AMER1: variants seen among roughly 807,000 people sequenced by gnomAD.
AMER1 encodes APC membrane recruitment protein 1, also known as RP11-403E24.2.
Under a neutral mutation model 53.0 loss-of-function variants are expected in AMER1, and 16 were observed. That is an observed-to-expected ratio of 0.30 (90% CI 0.20 to 0.46). The LOEUF (loss-of-function observed/expected upper bound fraction) is 0.46, where lower values mean the gene tolerates loss of function less well. Ranked by LOEUF, AMER1 falls within the 20% of genes least tolerant of loss-of-function variation. The pLI is 1.00. For synonymous variants in AMER1, 354 were observed against 331.9 expected (o/e 1.07, Z -0.73); for missense variants, 947 against 884.9 (o/e 1.07, Z -0.89).
chrX:64,201,017 T>A (rs901927640), intron 1 of AMER1, among the ~76,000 whole-genome samples: 1 of 109,470 alleles, frequency 9.1e-6, no homozygotes, highest in Non-Finnish European at 1.9e-5. Flanking sequence ...CCAGCGGGGG[T>A]AAAAACTGTA....
At chrX:64,203,022 C>A (rs1930520941) in intron 1 of AMER1, among the ~76,000 whole-genome samples, 1 of 111,615 alleles carries the variant, frequency 9.0e-6, no homozygotes. Flanking sequence ...TTCTCCCCTC[C>A]CATTCCTGGG....
Position 64,191,757 on chromosome X carries a change from C to T in AMER1, c.1530G>A (p.Glu510=), listed in dbSNP as rs377478912. 8 of 1,209,701 alleles carry T rather than the reference C, an allele frequency of 6.6e-6. No individual in the cohort carries two copies. Among genetic ancestry groups the T allele is most frequent in the Non-Finnish European group, 8.9e-6 (8 of 895,041 alleles). The part of the protein sequence containing the change: ...YSGDALYEFY[E]PDDSLENSPP... ...GAGAGTTCTCAAGGCTGTCATCTGGCTCATAGAACTCATATAGGGCATCTC... is the reference window on the plus strand; with the variant it reads ...GAGAGTTCTCAAGGCTGTCATCTGGTTCATAGAACTCATATAGGGCATCTC... The change falls in exon 2 of 2, where the codon GAG becomes GAA. Residue 510 remains glutamate, a synonymous_variant. Transcript: ENST00000374869.
chrX:64,189,794 C>CCCCCCCCCCCCCCCCCCCCCG lies in AMER1; in HGVS notation c.*84_*85insCGGGGGGGGGGGGGGGGGGGG. On this transcript the variant is annotated 3_prime_UTR_variant, in exon 2 of 2. Transcript: ENST00000374869. ...AAAGGGTTTTCAAGTTAAACAACAA[C>CCCCCCCCCCCCCCCCCCCCCG]CCCCACCCCCCCACCCTTCTGCCCA... 3.3e-6 allele frequency: 1 copy of CCCCCCCCCCCCCCCCCCCCCG among 301,691 alleles called. No homozygotes were observed. 24.9% of individuals were successfully genotyped at this position (301,691 alleles called of 1,213,427 possible).
In AMER1 at chrX:64,193,402, G is replaced by A. The variant is rs1930302362; in HGVS notation, c.-98-18C>T. ...AGTGGGGTCTGGAGGAGATAGGAGA[G>A]ACAAAGACAGAGAGACAGATACTAG... On this transcript the variant is annotated intron_variant, in intron 1 of 1. Transcript: ENST00000374869. The A allele has an allele frequency of 2.8e-6, 3 of 1,074,249 alleles. No homozygotes were observed. The Admixed American group carries it at 7.2e-5, about 26-fold the overall frequency. The allele number at this position is 1,074,249 out of a possible 1,213,427, so 88.5% of individuals were successfully genotyped here.
rs1930193432 is a variant in AMER1 at position 64,189,558 on chromosome X, A to ATATATATATATATAT, written c.*320_*321insATATATATATATATA. On this transcript the variant is annotated 3_prime_UTR_variant, in exon 2 of 2. Coordinates refer to ENST00000374869, the MANE Select transcript of AMER1 (RefSeq NM_152424.4). The stretch of plus-strand genomic sequence containing the variant: ...TATATATATATATATATATATATAT[A>ATATATATATATATAT]ATCACTAACTTGGCAACTGGAATAG... 3.3e-6 allele frequency: 1 copy of ATATATATATATATAT among 304,539 alleles called. No individual in the cohort carries two copies. The highest frequency in any genetic ancestry group is 3.6e-5 in the African/African-American group (1 of 27,432). The allele number at this position is 304,539 out of a possible 1,213,427, so 25.1% of individuals were successfully genotyped here.
chrX:64,190,270 G>A lies in AMER1; in HGVS notation c.3017C>T (p.Ser1006Leu), dbSNP rs1473629829. ...IPPMTMSISLSVPESRAPGES... is the reference protein window; with the variant it reads ...IPPMTMSISLLVPESRAPGES... ...CCCAGGTGCCCTTGACTCTGGCACT[G>A]ATAGTGATATTGACATGGTCATAGG... The change falls in exon 2 of 2, where the codon TCA (serine) becomes TTA (leucine). Residue 1006 changes from serine to leucine, a missense_variant. Transcript: ENST00000374869. 6 of 1,212,055 alleles carry A rather than the reference G, an allele frequency of 5.0e-6. No individual in the cohort carries two copies. Among genetic ancestry groups the A allele is most frequent in the Non-Finnish European group, 6.7e-6 (6 of 895,609 alleles).
At position 64,187,124 on chromosome X, in the gene AMER1, G is replaced by C. The variant is rs1201274107; in HGVS notation, c.*2755C>G. 7 of 784,775 alleles carry C rather than the reference G, an allele frequency of 8.9e-6. No individual in the cohort carries two copies. The highest frequency in any genetic ancestry group is 1.1e-5 in the Non-Finnish European group (7 of 658,406). 64.7% of individuals were successfully genotyped at this position (784,775 alleles called of 1,213,427 possible). On this transcript the variant is annotated 3_prime_UTR_variant, in exon 2 of 2. Coordinates refer to ENST00000374869, the MANE Select transcript of AMER1 (RefSeq NM_152424.4). ...CCCAAGCCAGCACTAGTCTGTGTTT[G>C]GAAACAGGCCTGAAGCTTGGCTGGC...
At position 64,188,393 on chromosome X, in the gene AMER1, A is replaced by G. The variant is rs1930151186; in HGVS notation, c.*1486T>C. ...CTGTTCCAATGTCTTCCTGACAGCA[A>G]GCTCTTCCCCACCAGTATTTCCAAC... On this transcript the variant is annotated 3_prime_UTR_variant, in exon 2 of 2. Coordinates refer to ENST00000374869, the MANE Select transcript of AMER1 (RefSeq NM_152424.4). 1 of 804,898 alleles carries G rather than the reference A, an allele frequency of 1.2e-6. No individual in the cohort carries two copies. Among genetic ancestry groups the G allele is most frequent in the East Asian group, 7.1e-5 (1 of 14,162 alleles). 66.3% of individuals were successfully genotyped at this position (804,898 alleles called of 1,213,427 possible).
In AMER1 at chrX:64,190,807, T is replaced by G. The variant is rs1303713983; in HGVS notation, c.2480A>C (p.Glu827Ala). Residue 827 changes from glutamate to alanine, a missense_variant, in exon 2 of 2, where the codon GAG becomes GCG. Coordinates refer to ENST00000374869, the MANE Select transcript of AMER1 (RefSeq NM_152424.4). ...DGEGKCEENP[E>A]FHNDEDLAAS... ...TGCAAGATCTTCATCATTGTGGAACTCAGGATTCTCTTCACACTTGCCTTC... is the reference window on the plus strand; with the variant it reads ...TGCAAGATCTTCATCATTGTGGAACGCAGGATTCTCTTCACACTTGCCTTC... 1 of 1,209,168 alleles carries G rather than the reference T, an allele frequency of 8.3e-7. No individual in the cohort carries two copies. The highest frequency in any genetic ancestry group is 1.1e-6 in the Non-Finnish European group (1 of 894,813).
At chrX:64,204,830 G>T (rs1431936210) in intron 1 of AMER1, among the ~76,000 whole-genome samples, 1 of 113,545 alleles carries the variant, frequency 8.8e-6, no homozygotes, top group Non-Finnish European at 1.9e-5. Context: ...ACCAGCAAGA[G>T]CCCGGCTGCC....
At chrX:64,202,508 C>A (rs1255194152) in intron 1 of AMER1, among the ~76,000 whole-genome samples, 1 of 111,818 alleles carries the variant, frequency 8.9e-6, no homozygotes, top group Non-Finnish European at 1.9e-5. Flanking sequence ...GCTAAGGATT[C>A]TCATCTGTAA....
rs1291341410 is a variant in AMER1 at position 64,190,173 on chromosome X, T to C, written c.3114A>G (p.Pro1038=). Residue 1038 remains proline, a synonymous_variant, in exon 2 of 2, where the codon CCA becomes CCG. Coordinates refer to ENST00000374869, the MANE Select transcript of AMER1 (RefSeq NM_152424.4). ...LPMGPCYNLQ[P]QASQSMRARP... is the part of the protein sequence containing the mutation. The stretch of plus-strand genomic sequence containing the variant: ...TGGCCCTCATGCTCTGGGAGGCCTG[T>C]GGCTGGAGGTTATAGCAAGGGCCCA... 2.5e-6 allele frequency: 3 copies of C among 1,208,381 alleles called. No homozygotes were observed. The highest frequency in any genetic ancestry group is 5.9e-5 in the East Asian group (2 of 33,759).
rs1009425564 is a variant in AMER1, at chrX:64,188,559, G to T, written c.*1320C>A. On this transcript the variant is annotated 3_prime_UTR_variant, in exon 2 of 2. Coordinates refer to ENST00000374869, the MANE Select transcript of AMER1 (RefSeq NM_152424.4). ...TTGGAAGATAAAAGCTCTTTAAAGGGCCCAGAACAGCAGCTGAGATGCCTT... is the reference window on the plus strand; with the variant it reads ...TTGGAAGATAAAAGCTCTTTAAAGGTCCCAGAACAGCAGCTGAGATGCCTT... 1.2e-4 allele frequency: 97 copies of T among 801,930 alleles called. No individual in the cohort carries two copies. The highest frequency in any genetic ancestry group is 1.3e-4 in the Non-Finnish European group (90 of 669,473). 66.1% of individuals were successfully genotyped at this position (801,930 alleles called of 1,213,427 possible).
chrX:64,200,454 G>T (rs958433560), intron 1 of AMER1, among the ~76,000 whole-genome samples: 3 of 112,284 alleles, frequency 2.7e-5, no homozygotes, highest in Non-Finnish European at 3.8e-5. Context: ...AGGAGAGTGT[G>T]ATTCGAGGAA....
chrX:64,196,998 A>G (rs1382619881), intron 1 of AMER1, among the ~76,000 whole-genome samples: 1 of 112,216 alleles, frequency 8.9e-6, no homozygotes, highest in Non-Finnish European at 1.9e-5. Flanking sequence ...TCCTTCCTCA[A>G]TGGGTTATGC....
intron 1 of AMER1, among the ~76,000 whole-genome samples, chrX:64,194,210 TG>T (rs1418711005): frequency 9.0e-6 from 1 of 111,545 alleles, no homozygotes; most frequent in African/African-American, 3.3e-5. Flanking sequence ...CGGTCATCAA[TG>T]GAACCCCAAA....
chrX:64,191,130 C>T lies in AMER1; in HGVS notation c.2157G>A (p.Met719Ile), dbSNP rs142355260. ...CSKKDQSTCL[M>I]QLFQSDAMFE... ...ACATGGCATCACTCTGGAAGAGCTG[C>T]ATCAGGCAGGTACTTTGATCTTTCT... The change falls in exon 2 of 2, where the codon ATG becomes ATA. Residue 719 changes from methionine (M) to isoleucine (I), a missense_variant. Physicochemically the swap from Met to Ile is conservative, Grantham distance 10 (BLOSUM62 1). Transcript: ENST00000374869. 280 of 1,210,953 alleles carry T rather than the reference C, an allele frequency of 2.3e-4. No homozygotes were observed. The highest frequency in any genetic ancestry group is 3.0e-4 in the Non-Finnish European group (272 of 895,464).
At position 64,187,649 on chromosome X, in the gene AMER1, C is replaced by T; in HGVS notation, c.*2230G>A. 1 of 775,686 alleles carries T rather than the reference C, an allele frequency of 1.3e-6. No individual in the cohort carries two copies. The highest frequency in any genetic ancestry group is 1.5e-6 in the Non-Finnish European group (1 of 651,536). The allele number at this position is 775,686 out of a possible 1,213,427, so 63.9% of individuals were successfully genotyped here. On this transcript the variant is annotated 3_prime_UTR_variant, in exon 2 of 2. Coordinates refer to ENST00000374869, the MANE Select transcript of AMER1 (RefSeq NM_152424.4). The stretch of plus-strand genomic sequence containing the variant: ...GGCACAGTCCACATGTAGACAGGAG[C>T]TCAAGCTGCCCTGAAAGAAGAGGCA...
chrX:64,199,128 A>C (rs1410898245), intron 1 of AMER1, among the ~76,000 whole-genome samples: 2 of 112,198 alleles, frequency 1.8e-5, no homozygotes, highest in African/African-American at 6.5e-5. Context: ...TCCTGCCCAG[A>C]GGGCATCTCA....
Sources: allele counts gnomAD v4.1 joint callset (sites outside exome capture counted in the v4.1 genomes callset), GRCh38; gene constraint gnomAD v4.1.1; transcripts MANE v1.5; gene names NCBI Gene and HGNC (gene_info 2026-07-23, HGNC 2026-07-21).